WDFY3: variants seen among roughly 807,000 people sequenced by gnomAD.
WDFY3 encodes the protein WD repeat and FYVE domain-containing protein 3.
WDFY3 carries 66 observed loss-of-function variants against 409.6 expected under a neutral mutation model. The ratio of observed to expected loss-of-function variants is 0.16; its 90% confidence interval spans 0.13 to 0.20. The LOEUF (loss-of-function observed/expected upper bound fraction) is 0.20. Ranked by LOEUF, WDFY3 falls within the 10% of genes least tolerant of loss-of-function variation. The probability of loss-of-function intolerance (pLI) is 1.00; values close to 1 mark genes in which losing one functional copy is unlikely to be tolerated. For missense variants in WDFY3, 3,031 were observed against 4,298.1 expected (o/e 0.71, Z 8.24); for synonymous variants, 1,521 against 1,537.1 (o/e 0.99, Z 0.25).
intron 1 of WDFY3, among the ~76,000 whole-genome samples, chr4:84,960,257 C>A (rs561877752): frequency 3.3e-5 from 5 of 152,314 alleles, no homozygotes; most frequent in South Asian, 4.1e-4. Context: ...CCCCTAACTA[C>A]TCAACCTCCA....
chr4:84,916,578 A>G (rs919519640), intron 2 of WDFY3, among the ~76,000 whole-genome samples: 4 of 152,208 alleles, frequency 2.6e-5, no homozygotes, highest in Non-Finnish European at 5.9e-5. Flanking sequence ...ACTCTAATGC[A>G]GCACTTCAAC....
intron 1 of WDFY3, among the ~76,000 whole-genome samples, chr4:84,954,323 T>C (rs952189524): frequency 5.3e-5 from 8 of 152,224 alleles, no homozygotes; most frequent in African/African-American, 1.9e-4. Context: ...ATGATTGTTC[T>C]ACAAATAACT....
chr4:84,911,161 C>T (rs945951972), intron 2 of WDFY3, among the ~76,000 whole-genome samples: 1 of 152,066 alleles, frequency 6.6e-6, no homozygotes, highest in Non-Finnish European at 1.5e-5. Flanking sequence ...TTTGTGAAAT[C>T]ATACATCTGA....
intron 30 of WDFY3, among the ~76,000 whole-genome samples, chr4:84,770,632 A>G (rs1188896818): frequency 2.0e-5 from 3 of 152,200 alleles, no homozygotes; most frequent in Non-Finnish European, 4.4e-5. Context: ...CTTAATCATT[A>G]TGGATACTTC....
intron 3 of WDFY3, among the ~76,000 whole-genome samples, chr4:84,894,743 G>A (rs963881782): frequency 2.6e-5 from 4 of 151,446 alleles, no homozygotes; most frequent in Admixed American, 6.6e-5. Context: ...CCGAGACTGC[G>A]TCACCGCACT....
chr4:84,734,800 T>A (rs1737167173), intron 43 of WDFY3, among the ~76,000 whole-genome samples: 1 of 152,152 alleles, frequency 6.6e-6, no homozygotes, highest in African/African-American at 2.4e-5. Flanking sequence ...TCAACAGAAT[T>A]CAGCTGGGCT....
chr4:84,880,758 C>T (rs1489732368), intron 3 of WDFY3, among the ~76,000 whole-genome samples: 1 of 130,656 alleles, frequency 7.7e-6, no homozygotes, highest in Non-Finnish European at 1.6e-5. Flanking sequence ...TGCTCTGTTA[C>T]CCAGGCTGGA....
chr4:84,679,839 T>G (rs560371562), intron 64 of WDFY3, among the ~76,000 whole-genome samples: 1 of 148,390 alleles, frequency 6.7e-6, no homozygotes, highest in Non-Finnish European at 1.5e-5. Context: ...TATATATATA[T>G]ATACACACAC....
chr4:84,918,389 C>A (rs929480758), intron 2 of WDFY3, among the ~76,000 whole-genome samples: 3 of 151,964 alleles, frequency 2.0e-5, no homozygotes, highest in African/African-American at 4.8e-5. Context: ...GAATAATTTC[C>A]AGGGTATATT....
intron 56 of WDFY3, among the ~76,000 whole-genome samples, chr4:84,697,443 A>G (rs1042807546): frequency 1.3e-5 from 2 of 152,222 alleles, no homozygotes; most frequent in African/African-American, 4.8e-5. Flanking sequence ...AAATATTTGG[A>G]AAAACTATAG....
intron 30 of WDFY3, among the ~76,000 whole-genome samples, chr4:84,771,938 C>A (rs1744747864): frequency 6.6e-6 from 1 of 152,126 alleles, no homozygotes; most frequent in Admixed American, 6.6e-5. Context: ...TCAAATCTCT[C>A]CATCTCTCCT....
Position 84,684,081 on chromosome 4 carries a change from G to A in WDFY3, c.9588C>T (p.Ser3196=), listed in dbSNP as rs1727884686. 1 of 1,611,216 alleles carries A rather than the reference G, an allele frequency of 6.2e-7. No individual in the cohort carries two copies. The highest frequency in any genetic ancestry group is 8.5e-7 in the Non-Finnish European group (1 of 1,177,640). ...SCAGTYIHVW[S]INGNPIVSVN... is the part of the protein sequence containing the mutation. ...CACTCACGATAGGGTTCCCATTGAT[G>A]CTCCACACATGGATATATGTGCCAG... The change falls in exon 63 of 68, where the codon AGC becomes AGT. Residue 3196 remains serine (S), a synonymous_variant. Transcript: ENST00000295888.
chr4:84,708,880 C>G, intron 53 of WDFY3, 29 bp downstream of exon 53: 1 of 1,606,154 alleles, frequency 6.2e-7, no homozygotes, highest in Non-Finnish European at 8.5e-7. Flanking sequence ...AAAATGTGTT[C>G]TACGTAAGCA....
chr4:84,741,585 T>G (rs1738435265), intron 38 of WDFY3, among the ~76,000 whole-genome samples, 176 bp downstream of exon 38: 1 of 152,108 alleles, frequency 6.6e-6, no homozygotes, highest in African/African-American at 2.4e-5. Context: ...AAAGTGCTGA[T>G]ACTACAGGTG....
intron 18 of WDFY3, 63 bp downstream of exon 18, chr4:84,797,933 T>C (rs1300371542): frequency 1.4e-6 from 2 of 1,388,422 alleles, no homozygotes; most frequent in Non-Finnish European, 2.0e-6. Flanking sequence ...CTTGAAATAA[T>C]ATTCATCCCC....
intron 12 of WDFY3, among the ~76,000 whole-genome samples, chr4:84,818,779 C>T (rs1753672199): frequency 6.6e-6 from 1 of 152,002 alleles, no homozygotes; most frequent in South Asian, 2.1e-4. Context: ...CAGCTAGTAA[C>T]ATCTTTCATA....
rs1342346292 is a variant in WDFY3, at chr4:84,713,227, T to C, written c.7974A>G (p.Val2658=). 1 of 1,614,162 alleles carries C rather than the reference T, an allele frequency of 6.2e-7. No individual in the cohort carries two copies. The highest frequency in any genetic ancestry group is 8.5e-7 in the Non-Finnish European group (1 of 1,180,012). ...RNKVYQRFLA[V]VPSLTDSSES... ...CTGAACTGTCCGTTAGAGATGGCAC[T>C]ACAGCCAAAAACCTGAAAAATTTAA... Residue 2658 remains valine (V), a synonymous_variant, in exon 51 of 68, where the codon GTA becomes GTG. Coordinates refer to ENST00000295888, the MANE Select transcript of WDFY3 (RefSeq NM_014991.6).
At chr4:84,780,047 T>C (rs1746232984) in intron 26 of WDFY3, 61 bp downstream of exon 26, 2 of 1,457,374 alleles carry the variant, frequency 1.4e-6, no homozygotes, top group Non-Finnish European at 1.8e-6. Context: ...TGAATGATAA[T>C]AAAAAAGCAG....
chr4:84,951,196 A>G (rs1306215718), intron 1 of WDFY3, among the ~76,000 whole-genome samples: 2 of 152,182 alleles, frequency 1.3e-5, no homozygotes, highest in Admixed American at 1.3e-4. Context: ...TTGAATAGGA[A>G]TTCTCTGTAT....
Sources: allele counts gnomAD v4.1 joint callset (sites outside exome capture counted in the v4.1 genomes callset), GRCh38; gene constraint gnomAD v4.1.1; transcripts MANE v1.5; gene names NCBI Gene and HGNC (gene_info 2026-07-23, HGNC 2026-07-21).